RBBP6: variants seen among roughly 807,000 people sequenced by gnomAD.
The protein encoded by RBBP6 is RB binding protein 6, ubiquitin ligase.
RBBP6 carries 25 observed loss-of-function variants against 167.7 expected under a neutral mutation model. The observed-to-expected ratio is 0.15, with a 90% CI of 0.11 to 0.21. The LOEUF (loss-of-function observed/expected upper bound fraction) is 0.21, where lower values mean the gene tolerates loss of function less well. Among genes scored for constraint, RBBP6 ranks in the 10% least tolerant of loss-of-function variants. The pLI, the probability that RBBP6 is intolerant of heterozygous loss-of-function variation, is 1.00. For missense variants in RBBP6, 1,868 were observed against 2,134.2 expected, an observed-to-expected ratio of 0.88 and a Z score of 2.46; for synonymous variants, 789 against 735.8, an observed-to-expected ratio of 1.07 and a Z score of -1.17.
intron 2 of RBBP6, 134 bp from the exon 3 acceptor site, chr16:24,548,811 T>C: frequency 3.0e-6 from 2 of 673,844 alleles, no homozygotes; most frequent in South Asian, 2.0e-5. Context: ...ATTCAGAAAT[T>C]GGCTGTTAAA....
chr16:24,540,894 T>A, intron 1 of RBBP6, 102 bp downstream of exon 1: 9 of 1,398,816 alleles, frequency 6.4e-6, no homozygotes, highest in Non-Finnish European at 8.7e-6. Context: ...TAGTGGGGAC[T>A]GTTCGTTCTA....
chr16:24,572,200 C>T lies in RBBP6; in HGVS notation c.5134C>T (p.Arg1712Ter). ...RSHSPSGSQT[R>*]SHSSSASSAE... ...CCACAGTCCTTCTGGAAGCCAGACC[C>T]GAAGCCACAGTAGCAGTGCCAGCTC... Residue 1712 changes from arginine to a stop codon, truncating the protein, a stop_gained, in exon 18 of 18, where the codon CGA becomes TGA. Transcript: ENST00000319715. LOFTEE classifies it high-confidence loss of function. The T allele has an allele frequency of 6.2e-7, 1 of 1,613,796 alleles. No individual in the cohort carries two copies.
chr16:24,547,441 GTA>G (rs896572549), intron 2 of RBBP6, among the ~76,000 whole-genome samples: 3 of 151,474 alleles, frequency 2.0e-5, no homozygotes, highest in African/African-American at 7.3e-5. Flanking sequence ...ATATATGTGT[GTA>G]TATATATATA....
At position 24,556,421 on chromosome 16, in the gene RBBP6, A is replaced by G; in HGVS notation, c.648A>G (p.Gly216=). The G allele has an allele frequency of 6.2e-7, 1 of 1,612,260 alleles. No homozygotes were observed. The highest frequency in any genetic ancestry group is 8.5e-7 in the Non-Finnish European group (1 of 1,178,712). Residue 216 remains glycine (G), a synonymous_variant, in exon 7 of 18, where the codon GGA becomes GGG. Transcript: ENST00000319715. ...NMKGAMLTNT[G]KYAIPTIDAE... Reference sequence around the variant, plus strand: ...AAGGTGCAATGCTTACCAACACTGGAAAATATGCAATACCAACTATAGATG... The same window carrying G: ...AAGGTGCAATGCTTACCAACACTGGGAAATATGCAATACCAACTATAGATG...
chr16:24,562,167 C>A lies in RBBP6; in HGVS notation c.1289+6C>A. The A allele has an allele frequency of 1.3e-6, 2 of 1,592,394 alleles. No homozygotes were observed. The highest frequency in any genetic ancestry group is 8.6e-7 in the Non-Finnish European group (1 of 1,163,578). ...AAATCAGATGGACCTTTTCGGTAAG[C>A]CTGTGTGTTTTTCACTGTTAGAAAC... On this transcript the variant is annotated splice_donor_region_variant and intron_variant, in intron 10 of 17. Transcript: ENST00000319715.
intron 2 of RBBP6, 27 bp downstream of exon 2, chr16:24,546,289 C>A: frequency 2.0e-6 from 3 of 1,512,810 alleles, no homozygotes; most frequent in South Asian, 1.3e-5. Context: ...ATGTATTTCT[C>A]AAAATAGACT....
intron 3 of RBBP6, chr16:24,553,015 TACTC>T (rs1002427836): frequency 6.6e-6 from 1 of 152,008 alleles, no homozygotes; most frequent in Admixed American, 6.5e-5. Context: ...TAAACAAACT[TACTC>T]AGACTGAAGA....
At chr16:24,565,768 T>A (rs1027389987) in intron 14 of RBBP6, among the ~76,000 whole-genome samples, 3 of 152,174 alleles carry the variant, frequency 2.0e-5, no homozygotes, top group Admixed American at 6.5e-5. Context: ...CCTCCAAAAC[T>A]TCATAACAAG....
intron 3 of RBBP6, among the ~76,000 whole-genome samples, chr16:24,552,323 T>G (rs1269283108): frequency 6.6e-6 from 1 of 151,978 alleles, no homozygotes; most frequent in East Asian, 1.9e-4. Flanking sequence ...TCTTAAGTCA[T>G]GTTGCTTTTA....
chr16:24,554,773 T>G (rs1049872847), intron 4 of RBBP6: 2 of 151,616 alleles, frequency 1.3e-5, no homozygotes, highest in South Asian at 2.1e-4. Flanking sequence ...TGGTTTTTTT[T>G]TTTTGTTTTT....
Position 24,571,737 on chromosome 16 carries a change from G to A in RBBP6, c.4671G>A (p.Glu1557=), listed in dbSNP as rs73560586. Residue 1557 remains glutamate (E), a synonymous_variant, in exon 18 of 18, where the codon GAG becomes GAA. Coordinates refer to ENST00000319715, the MANE Select transcript of RBBP6 (RefSeq NM_006910.5). ...ATYDTKRPNE[E]TKSVDKNPCK... ...ATGATACTAAACGGCCAAATGAAGA[G>A]ACAAAATCTGTAGATAAAAATCCTT... 252 of 1,613,850 alleles carry A rather than the reference G, an allele frequency of 1.6e-4. No homozygotes were observed. The African/African-American group carries it at 3.1e-3, about 20-fold the overall frequency.
At position 24,569,407 on chromosome 16, in the gene RBBP6, A is replaced by G; in HGVS notation, c.2717A>G (p.Asp906Gly). The change falls in exon 17 of 18, where the codon GAT becomes GGT. Residue 906 changes from aspartate to glycine, a missense_variant. Asp to Gly is a moderately conservative substitution (Grantham distance 94). This residue lies in a region of RBBP6 where 673 missense variants were observed against 691.5 expected (regional missense o/e 0.97). Coordinates refer to ENST00000319715, the MANE Select transcript of RBBP6 (RefSeq NM_006910.5). Reference protein sequence around the residue: ...SNYPEKLSARDGHNQKDNTKS... With the variant: ...SNYPEKLSARGGHNQKDNTKS... ...TATCCAGAAAAGCTTTCAGCAAGAG[A>G]TGGTCACAATCAGAAGGATAATACA... 1.2e-6 allele frequency: 2 copies of G among 1,614,138 alleles called. No homozygotes were observed. Among genetic ancestry groups the G allele is most frequent in the Non-Finnish European group, 1.7e-6 (2 of 1,180,026 alleles).
rs374147465 is a variant in RBBP6 at position 24,572,204 on chromosome 16, G to A, written c.5138G>A (p.Ser1713Asn). 5.0e-6 allele frequency: 8 copies of A among 1,613,924 alleles called. No homozygotes were observed. The highest frequency in any genetic ancestry group is 6.8e-6 in the Non-Finnish European group (8 of 1,180,032). ...AGTCCTTCTGGAAGCCAGACCCGAA[G>A]CCACAGTAGCAGTGCCAGCTCAGCA... ...SHSPSGSQTR[S>N]HSSSASSAES... Residue 1713 changes from serine (S) to asparagine (N), a missense_variant, in exon 18 of 18, where the codon AGC (serine) becomes AAC (asparagine). Ser to Asn is a conservative substitution (Grantham distance 46, BLOSUM62 1). Coordinates refer to ENST00000319715, the MANE Select transcript of RBBP6 (RefSeq NM_006910.5).
rs765215041 is a variant in RBBP6 at position 24,563,438 on chromosome 16, G to A, written c.1402G>A (p.Val468Ile). The A allele has an allele frequency of 6.2e-7, 1 of 1,603,032 alleles. No homozygotes were observed. Among genetic ancestry groups the A allele is most frequent in the Admixed American group, 1.7e-5 (1 of 58,364 alleles). ...GTTTCTAAAGGGTTACCAGGTGCCTGTTCTTGGAACCCCATCTTTGCTTGG... is the reference window on the plus strand; with the variant it reads ...GTTTCTAAAGGGTTACCAGGTGCCTATTCTTGGAACCCCATCTTTGCTTGG... ...LMEEKGYQVP[V>I]LGTPSLLGQS... The change falls in exon 12 of 18, where the codon GTT becomes ATT. Residue 468 changes from valine to isoleucine, a missense_variant. By Grantham distance (29) the Val-to-Ile change is conservative. Coordinates refer to ENST00000319715, the MANE Select transcript of RBBP6 (RefSeq NM_006910.5).
At chr16:24,563,065 T>A in intron 10 of RBBP6, 134 bp from the exon 11 acceptor site, 1 of 614,464 alleles carries the variant, frequency 1.6e-6, no homozygotes, top group South Asian at 2.7e-5. Context: ...TCTCTCACTT[T>A]CCTCAGAAGT....
In RBBP6 at chr16:24,571,440, C is replaced by A; in HGVS notation, c.4374C>A (p.Ser1458=). ...KEARTSDKHD[S]TRASSNKDFT... is the part of the protein sequence containing the mutation. The stretch of plus-strand genomic sequence containing the variant: ...CTAGAACGTCAGATAAACATGATTC[C>A]ACTCGTGCTTCCTCAAATAAAGACT... The change falls in exon 18 of 18, where the codon TCC becomes TCA. Residue 1458 remains serine (S), a synonymous_variant. Coordinates refer to ENST00000319715, the MANE Select transcript of RBBP6 (RefSeq NM_006910.5). 6.2e-7 allele frequency: 1 copy of A among 1,613,038 alleles called. No homozygotes were observed. The highest frequency in any genetic ancestry group is 8.5e-7 in the Non-Finnish European group (1 of 1,179,782).
Position 24,567,218 on chromosome 16 carries a change from C to G in RBBP6, c.1665C>G (p.Val555=), listed in dbSNP as rs184312924. The G allele has an allele frequency of 1.2e-5, 20 of 1,614,076 alleles. No homozygotes were observed. The highest frequency in any genetic ancestry group is 1.7e-5 in the Non-Finnish European group (20 of 1,179,916). The stretch of plus-strand genomic sequence containing the variant: ...GCCCGTCACTACCAGCAACTCCAGT[C>G]TTTGTACCTGTTCCACCACCTCCTT... ...TQGPSLPATP[V]FVPVPPPPLY... The change falls in exon 15 of 18, where the codon GTC becomes GTG. Residue 555 remains valine (V), a synonymous_variant. Coordinates refer to ENST00000319715, the MANE Select transcript of RBBP6 (RefSeq NM_006910.5).
At position 24,540,653 on chromosome 16, in the gene RBBP6, C is replaced by A. The variant is rs1223006946; in HGVS notation, c.27C>A (p.Ser9=). The A allele has an allele frequency of 6.2e-7, 1 of 1,613,956 alleles. No homozygotes were observed. Among genetic ancestry groups the A allele is most frequent in the Middle Eastern group, 1.7e-4 (1 of 6,058 alleles). The stretch of plus-strand genomic sequence containing the variant: ...TGTCCTGTGTGCATTATAAATTTTC[C>A]TCTAAACTCAACTATGATACCGTCA... MSCVHYKF[S]SKLNYDTVTF... is the part of the protein sequence containing the mutation. Residue 9 remains serine (S), a synonymous_variant, in exon 1 of 18, where the codon TCC becomes TCA. Transcript: ENST00000319715.
At chr16:24,550,238 T>C (rs1263895941) in intron 3 of RBBP6, among the ~76,000 whole-genome samples, 1 of 151,908 alleles carries the variant, frequency 6.6e-6, no homozygotes, top group Non-Finnish European at 1.5e-5. Context: ...ATCTGAACAT[T>C]GGACTTGTTC....
Sources: allele counts gnomAD v4.1 joint callset (sites outside exome capture counted in the v4.1 genomes callset), GRCh38; gene constraint gnomAD v4.1.1; regional missense constraint gnomAD v4.1.1; transcripts MANE v1.5; gene names NCBI Gene and HGNC (gene_info 2026-07-23, HGNC 2026-07-21).